Variants in SPATA13 observed in about 807,000 individuals in gnomAD.
SPATA13 encodes the protein spermatogenesis-associated protein 13.
In SPATA13, 50 loss-of-function variants were observed where a neutral mutation model predicts 104.0. The observed-to-expected ratio is 0.48, with a 90% CI of 0.38 to 0.61. The LOEUF is 0.61. Among genes scored for constraint, SPATA13 ranks in the 20% least tolerant of loss-of-function variants. The pLI is 0.00. For synonymous variants in SPATA13, 606 were observed against 667.5 expected (o/e 0.91, Z 1.42); for missense variants, 1,524 against 1,690.6 (o/e 0.90, Z 1.73).
intron 1 of SPATA13, among the ~76,000 whole-genome samples, chr13:24,163,284 C>T (rs4770613): frequency 0.41 from 62,536 of 152,056 alleles, 13,309 homozygotes; most frequent in East Asian, 0.56. Flanking sequence ...CACCTGTAGT[C>T]CAAGGTGCTC....
In SPATA13 at chr13:24,166,194, G is replaced by C. The variant is rs80006698; in HGVS notation, c.-112+5262G>C. Among the ~76,000 whole-genome samples, 813 of 152,308 alleles carry C rather than the reference G, an allele frequency of 5.3e-3. 4 individuals are homozygous for C. Among genetic ancestry groups the C allele is most frequent in the African/African-American group, 0.019 (786 of 41,572 alleles). On this transcript the variant is annotated intron_variant, in intron 1 of 12. Coordinates refer to ENST00000382108, the MANE Select transcript of SPATA13 (RefSeq NM_001166271.3). The stretch of plus-strand genomic sequence containing the variant: ...CTTACTGTGTATCTTTTGTGTACTA[G>C]ATGCTGAAGATGGAGAGATTGATCA...
chr13:24,102,957 G>A (rs1350299374), intron 3 of SPATA13, among the ~76,000 whole-genome samples: 1 of 152,108 alleles, frequency 6.6e-6, no homozygotes, highest in Non-Finnish European at 1.5e-5. Flanking sequence ...CTGATTATAT[G>A]GTGTAAAATC....
At chr13:23,987,070 A>G (rs972113524) in intron 2 of SPATA13, among the ~76,000 whole-genome samples, 8 of 83,656 alleles carry the variant, frequency 9.6e-5, no homozygotes, top group Non-Finnish European at 1.6e-4. Flanking sequence ...GGCCTACCCC[A>G]TAGGCAGTGG....
At chr13:24,061,206 G>A (rs1035152074) in intron 3 of SPATA13, among the ~76,000 whole-genome samples, 3 of 151,864 alleles carry the variant, frequency 2.0e-5, no homozygotes, top group East Asian at 1.9e-4. Flanking sequence ...GACTGTTACC[G>A]AACTGTCAAA....
chr13:24,002,281 G>A (rs1004001610), intron 2 of SPATA13, among the ~76,000 whole-genome samples: 3 of 152,186 alleles, frequency 2.0e-5, no homozygotes, highest in East Asian at 1.9e-4. Flanking sequence ...TGGTGAACAT[G>A]TTGAATGACA....
intron 3 of SPATA13, among the ~76,000 whole-genome samples, chr13:24,120,258 A>G (rs1255034933): frequency 6.6e-6 from 1 of 152,176 alleles, no homozygotes; most frequent in Non-Finnish European, 1.5e-5. Flanking sequence ...TTATTGAGAA[A>G]TTGGAGTGTA....
chr13:24,114,358 T>A lies in SPATA13; in HGVS notation c.-112+96657T>A, dbSNP rs189640747. Reference sequence around the variant, plus strand: ...TATAGAAGCTAATTCAGTGTGCACGTGTGTGCCTGCATGTGTGCACATGCG... The same window carrying A: ...TATAGAAGCTAATTCAGTGTGCACGAGTGTGCCTGCATGTGTGCACATGCG... On this transcript the variant is annotated intron_variant, in intron 3 of 14. Coordinates refer to the SPATA13 transcript ENST00000424834. 2.2e-3 allele frequency among the ~76,000 whole-genome samples: 333 copies of A among 148,826 alleles called. 1 individual carries two copies. Among genetic ancestry groups the A allele is most frequent in the Non-Finnish European group, 3.6e-3 (239 of 66,248 alleles).
intron 3 of SPATA13, among the ~76,000 whole-genome samples, chr13:24,021,750 C>T (rs7997542): frequency 0.54 from 81,112 of 150,948 alleles, 21,936 homozygotes; most frequent in Middle Eastern, 0.57. Flanking sequence ...CTCACTCTGT[C>T]GCCCAGGCTG....
Position 24,190,260 on chromosome 13 carries a change from C to CATATGTTAT in SPATA13, c.-112+29331_-112+29332insTGTTATATA, listed in dbSNP as rs1869598448. Reference sequence around the variant, plus strand: ...TATATAACATATCATATATAATATACATAATATATATTATTATATATAATA... The same window carrying CATATGTTAT: ...TATATAACATATCATATATAATATACATATGTTATATAATATATATTATTATATATAATA... On this transcript the variant is annotated intron_variant, in intron 1 of 12. Transcript: ENST00000382108. 1.2e-3 allele frequency among the ~76,000 whole-genome samples: 4 copies of CATATGTTAT among 3,336 alleles called. 2 individuals carry two copies. The highest frequency in any genetic ancestry group is 1.3e-3 in the African/African-American group (4 of 3,104). The allele number at this position is 3,336 out of a possible 152,430, so 2.2% of individuals were successfully genotyped here.
At chr13:23,983,112 G>A (rs1874977799) in intron 1 of SPATA13, among the ~76,000 whole-genome samples, 1 of 152,174 alleles carries the variant, frequency 6.6e-6, no homozygotes, top group African/African-American at 2.4e-5. Flanking sequence ...TGAGGGGTTG[G>A]GAGAGAGTGT....
chr13:24,270,537 G>A, intron 4 of SPATA13: 1 of 408,816 alleles, frequency 2.4e-6, no homozygotes, highest in Non-Finnish European at 4.5e-6. Flanking sequence ...TACCTTCACT[G>A]AAGGCTCTCG....
At chr13:24,075,655 T>C (rs575283558) in intron 3 of SPATA13, among the ~76,000 whole-genome samples, 168 of 152,328 alleles carry the variant, frequency 1.1e-3, no homozygotes, top group Non-Finnish European at 1.7e-3. Context: ...TTTTTAAAAG[T>C]TAAGTATTTA....
chr13:24,149,422 G>T (rs761199493), intron 3 of SPATA13, among the ~76,000 whole-genome samples: 33 of 152,164 alleles, frequency 2.2e-4, no homozygotes, highest in Non-Finnish European at 4.4e-4. Context: ...AAACACCCTG[G>T]CATTTTGCCT....
Position 24,249,671 on chromosome 13 carries a change from C to T in SPATA13, c.1848C>T (p.Asp616=). 1 of 1,614,228 alleles carries T rather than the reference C, an allele frequency of 6.2e-7. No individual in the cohort carries two copies. The highest frequency in any genetic ancestry group is 1.6e-4 in the Middle Eastern group (1 of 6,062). The part of the protein sequence containing the change: ...DSVAADPQKE[D]RVDEDPQASM... ...TTGCTGCAGACCCCCAGAAGGAAGACCGTGTGGACGAGGACCCCCAGGCAA... is the reference window on the plus strand; with the variant it reads ...TTGCTGCAGACCCCCAGAAGGAAGATCGTGTGGACGAGGACCCCCAGGCAA... Residue 616 remains aspartate (D), a synonymous_variant, in exon 3 of 13, where the codon GAC becomes GAT. Coordinates refer to ENST00000382108, the MANE Select transcript of SPATA13 (RefSeq NM_001166271.3).
intron 4 of SPATA13, among the ~76,000 whole-genome samples, chr13:24,275,625 A>G (rs1436044189): frequency 6.6e-6 from 1 of 152,222 alleles, no homozygotes; most frequent in Non-Finnish European, 1.5e-5. Context: ...TCTTGTTTAC[A>G]AGATCGTTTC....
At chr13:24,083,943 ATT>A (rs1879631815) in intron 3 of SPATA13, among the ~76,000 whole-genome samples, 1 of 152,178 alleles carries the variant, frequency 6.6e-6, no homozygotes, top group Non-Finnish European at 1.5e-5. Context: ...CATCTCATGA[ATT>A]TCTGCAATAT....
chr13:24,282,298 C>T (rs954118828), intron 4 of SPATA13, among the ~76,000 whole-genome samples: 1 of 152,160 alleles, frequency 6.6e-6, no homozygotes, highest in Non-Finnish European at 1.5e-5. Flanking sequence ...CAAGAAAGAA[C>T]TCTTCAGTCA....
At chr13:23,997,952 T>C (rs1875774679) in intron 2 of SPATA13, among the ~76,000 whole-genome samples, 1 of 152,226 alleles carries the variant, frequency 6.6e-6, no homozygotes, top group Non-Finnish European at 1.5e-5. Flanking sequence ...AGTATTCCAT[T>C]GTTCATGCAG....
intron 3 of SPATA13, among the ~76,000 whole-genome samples, chr13:24,125,614 T>C (rs1321796224): frequency 2.6e-5 from 4 of 152,140 alleles, no homozygotes; most frequent in African/African-American, 9.7e-5. Flanking sequence ...CTAGTGAGAA[T>C]TACTAGCCAA....
Sources: gnomAD v4.1 joint callset for allele counts (sites outside exome capture counted in the v4.1 genomes callset) on GRCh38, gnomAD v4.1.1 for gene constraint, MANE v1.5 for transcripts, NCBI Gene and HGNC (gene_info 2026-07-23, HGNC 2026-07-21) for gene names.